FHIT: variants seen among roughly 807,000 people sequenced by gnomAD.
The protein encoded by FHIT is fragile histidine triad diadenosine triphosphatase.
FHIT carries 19 observed loss-of-function variants against 17.9 expected under a neutral mutation model. The observed-to-expected ratio is 1.06, with a 90% CI of 0.74 to 1.56. The LOEUF is 1.56. FHIT is among the 40% of genes most tolerant of loss of function. The pLI, the probability that FHIT is intolerant of heterozygous loss-of-function variation, is 0.00. For missense variants in FHIT, 248 were observed against 189.2 expected, an observed-to-expected ratio of 1.31 and a Z score of -1.82; for synonymous variants, 81 against 69.7, an observed-to-expected ratio of 1.16 and a Z score of -0.81.
At chr3:60,798,958 C>T (rs1457228251) in intron 4 of FHIT, among the ~76,000 whole-genome samples, 1 of 151,644 alleles carries the variant, frequency 6.6e-6, no homozygotes, top group Non-Finnish European at 1.5e-5. Context: ...GGATTTCACC[C>T]AGCCTCCCAA....
At chr3:61,236,954 C>A (rs923803063) in intron 1 of FHIT, among the ~76,000 whole-genome samples, 5 of 152,144 alleles carry the variant, frequency 3.3e-5, no homozygotes, top group Non-Finnish European at 7.4e-5. Flanking sequence ...GGGCCCATTT[C>A]CAATGGAATC....
At chr3:61,058,121 ATAGACCACT>A (rs1178331046) in intron 2 of FHIT, among the ~76,000 whole-genome samples, 2 of 152,208 alleles carry the variant, frequency 1.3e-5, no homozygotes, top group African/African-American at 4.8e-5. Flanking sequence ...GATAATCCTC[ATAGACCACT>A]TAGAACACTG....
At chr3:59,924,235 A>G (rs115783567) in intron 7 of FHIT, among the ~76,000 whole-genome samples, 2,066 of 152,246 alleles carry the variant, frequency 0.014, 58 homozygotes, top group African/African-American at 0.047. Context: ...TCACTCTTTA[A>G]TTCCAGAATC....
At chr3:60,361,875 T>C (rs186445268) in intron 5 of FHIT, among the ~76,000 whole-genome samples, 1 of 152,278 alleles carries the variant, frequency 6.6e-6, no homozygotes, top group Admixed American at 6.5e-5. Context: ...CGGGAATCCA[T>C]TCATGAGAAA....
chr3:60,298,938 T>C (rs548567670), intron 5 of FHIT, among the ~76,000 whole-genome samples: 45 of 152,220 alleles, frequency 3.0e-4, no homozygotes, highest in African/African-American at 1.0e-3. Context: ...CCTCAGATCA[T>C]TACCCTTTCT....
chr3:60,351,970 T>C (rs1279950703), intron 5 of FHIT, among the ~76,000 whole-genome samples: 1 of 152,206 alleles, frequency 6.6e-6, no homozygotes, highest in East Asian at 1.9e-4. Context: ...GCTAACATCC[T>C]GTGCAATCTC....
At chr3:61,175,565 C>A (rs2107148284) in intron 2 of FHIT, among the ~76,000 whole-genome samples, 1 of 152,136 alleles carries the variant, frequency 6.6e-6, no homozygotes, top group African/African-American at 2.4e-5. Context: ...GAAACTTAAG[C>A]CCCAGTGCAA....
chr3:60,041,920 C>A (rs1343724911), intron 5 of FHIT, among the ~76,000 whole-genome samples: 5 of 152,166 alleles, frequency 3.3e-5, no homozygotes, highest in Non-Finnish European at 7.3e-5. Flanking sequence ...AATTCTTATT[C>A]TCATTTCTGA....
At chr3:59,987,094 AAGATATAAAAAATCTATATATTTTATAT>A (rs1709013602) in intron 7 of FHIT, among the ~76,000 whole-genome samples, 2 of 137,574 alleles carry the variant, frequency 1.5e-5, no homozygotes, top group African/African-American at 5.1e-5. Context: ...TATAGATATG[AAGATATAAAAAATCTATATATTTTATAT>A]AGATATAAAA....
intron 5 of FHIT, among the ~76,000 whole-genome samples, chr3:60,275,117 G>C (rs1310436121): frequency 3.3e-5 from 5 of 150,824 alleles, no homozygotes; most frequent in Admixed American, 6.6e-5. Context: ...GTGATAACTA[G>C]AAAAATTTTT....
chr3:60,703,262 C>A (rs190704385), intron 4 of FHIT, among the ~76,000 whole-genome samples: 3 of 152,234 alleles, frequency 2.0e-5, no homozygotes, highest in African/African-American at 7.2e-5. Flanking sequence ...GGAGGGCCAC[C>A]CCTTAGAGCC....
chr3:60,089,407 C>A (rs922468605), intron 5 of FHIT, among the ~76,000 whole-genome samples: 1 of 152,024 alleles, frequency 6.6e-6, no homozygotes, highest in Non-Finnish European at 1.5e-5. Context: ...TGTTGTACAT[C>A]CACTACACAG....
intron 2 of FHIT, among the ~76,000 whole-genome samples, chr3:61,143,180 GA>G (rs1363132684): frequency 1.3e-5 from 2 of 151,894 alleles, no homozygotes; most frequent in Admixed American, 6.6e-5. Flanking sequence ...TTATTTAAAA[GA>G]AATGTTTTAC....
chr3:59,811,188 T>C (rs1024974779), intron 8 of FHIT, among the ~76,000 whole-genome samples: 1 of 152,214 alleles, frequency 6.6e-6, no homozygotes, highest in Admixed American at 6.5e-5. Context: ...TCATAACACA[T>C]CTGTACTAAG....
intron 5 of FHIT, among the ~76,000 whole-genome samples, chr3:60,060,195 A>AC (rs1284018898): frequency 6.6e-6 from 1 of 152,094 alleles, no homozygotes; most frequent in African/African-American, 2.4e-5. Flanking sequence ...TAAAAAAAAA[A>AC]ACCCAAATGT....
intron 1 of FHIT, among the ~76,000 whole-genome samples, chr3:61,222,151 A>C (rs908012341): frequency 1.3e-5 from 2 of 152,162 alleles, no homozygotes; most frequent in Non-Finnish European, 2.9e-5. Context: ...TCTGACAGAC[A>C]CTGCGGACAG....
chr3:60,494,014 A>G (rs911394881), intron 5 of FHIT, among the ~76,000 whole-genome samples: 5 of 152,234 alleles, frequency 3.3e-5, no homozygotes, highest in Non-Finnish European at 2.9e-5. Context: ...ATCTTTGTCC[A>G]TTAATAAATG....
chr3:60,250,120 G>T (rs577818668), intron 5 of FHIT, among the ~76,000 whole-genome samples: 3 of 151,544 alleles, frequency 2.0e-5, no homozygotes, highest in African/African-American at 7.3e-5. Flanking sequence ...AACGTAGAGA[G>T]AAAAAAGGGG....
chr3:61,211,361 C>G (rs1463495858), intron 1 of FHIT, among the ~76,000 whole-genome samples: 1 of 152,190 alleles, frequency 6.6e-6, no homozygotes, highest in African/African-American at 2.4e-5. Flanking sequence ...TATCCCACAC[C>G]TGGCTCGAAG....
Sources: allele counts gnomAD v4.1 joint callset (sites outside exome capture counted in the v4.1 genomes callset), GRCh38; gene constraint gnomAD v4.1.1; transcripts MANE v1.5; gene names NCBI Gene and HGNC (gene_info 2026-07-23, HGNC 2026-07-21).